Variants in RTL4 observed in about 807,000 individuals in gnomAD.
The protein encoded by RTL4 is retrotransposon Gag like 4, also known as retrotransposon Gag-like protein 4.
RTL4 carries 4 observed loss-of-function variants against 5.3 expected under a neutral mutation model. The observed-to-expected ratio is 0.75, with a 90% CI of 0.37 to 1.72. RTL4 has a LOEUF of 1.72. RTL4 is among the 40% of genes most tolerant of loss of function. The pLI is 0.04. For missense variants in RTL4, 260 were observed against 227.1 expected (o/e 1.14, Z -0.93); for synonymous variants, 98 against 87.3 (o/e 1.12, Z -0.68).
chrX:112,308,773 T>C, the RTL4 span, among the ~76,000 whole-genome samples: 2 of 111,593 alleles, frequency 1.8e-5, no homozygotes, highest in South Asian at 3.8e-4. Flanking sequence ...CAGCCTATCA[T>C]GTCCTTATCA....
chrX:112,419,473 C>A, the RTL4 span, among the ~76,000 whole-genome samples: 1 of 88,640 alleles, frequency 1.1e-5, no homozygotes, highest in Non-Finnish European at 2.2e-5. Flanking sequence ...GATTCTCCTG[C>A]CTCAGCCTCC....
chrX:112,125,995 G>A, the RTL4 span, among the ~76,000 whole-genome samples: 2 of 111,424 alleles, frequency 1.8e-5, no homozygotes, highest in Non-Finnish European at 3.8e-5. Context: ...AGGGCCGGCG[G>A]CCTAAGGTGG....
the RTL4 span, among the ~76,000 whole-genome samples, chrX:112,247,176 C>T: frequency 8.9e-6 from 1 of 111,792 alleles, no homozygotes; most frequent in African/African-American, 3.3e-5. Context: ...AAATGGCAGA[C>T]TTAAGCCTTA....
chrX:112,206,236 C>T, the RTL4 span, among the ~76,000 whole-genome samples: 1 of 111,435 alleles, frequency 9.0e-6, no homozygotes. Context: ...AATGCTTTCT[C>T]TTTACAACTT....
chrX:112,392,477 G>A, the RTL4 span, among the ~76,000 whole-genome samples: 1 of 111,759 alleles, frequency 8.9e-6, no homozygotes, highest in African/African-American at 3.3e-5. Flanking sequence ...AGGGAGGTAC[G>A]GACCTGTTGC....
the RTL4 span, among the ~76,000 whole-genome samples, chrX:112,327,873 T>G: frequency 9.0e-6 from 1 of 110,858 alleles, no homozygotes; most frequent in East Asian, 2.9e-4. Context: ...AAGAAAAGAA[T>G]TTTCAACCCA....
chrX:112,352,932 T>C, the RTL4 span, among the ~76,000 whole-genome samples: 1 of 111,578 alleles, frequency 9.0e-6, no homozygotes, highest in African/African-American at 3.3e-5. Context: ...AATCTACTTA[T>C]CTGCCAAAGG....
the RTL4 span, among the ~76,000 whole-genome samples, chrX:112,324,486 C>T: frequency 1.2e-4 from 13 of 111,124 alleles, no homozygotes; most frequent in East Asian, 5.7e-4. Context: ...TCTTATGTTT[C>T]GGTCTTTAAT....
chrX:112,330,444 T>A, the RTL4 span, among the ~76,000 whole-genome samples: 1 of 109,897 alleles, frequency 9.1e-6, no homozygotes, highest in Non-Finnish European at 1.9e-5. Context: ...GAATCCAATT[T>A]ACAAGGGATG....
chrX:112,309,525 G>T, the RTL4 span, among the ~76,000 whole-genome samples: 1 of 109,355 alleles, frequency 9.1e-6, no homozygotes, highest in Non-Finnish European at 1.9e-5. Context: ...ATCTCACTTC[G>T]TTTACCAGGC....
the RTL4 span, among the ~76,000 whole-genome samples, chrX:112,371,206 A>T: frequency 9.0e-6 from 1 of 111,154 alleles, no homozygotes; most frequent in Non-Finnish European, 1.9e-5. Context: ...CCAGATTCTT[A>T]ATTTTCATTA....
At chrX:112,315,548 C>T in the RTL4 span, among the ~76,000 whole-genome samples, 2,695 of 111,752 alleles carry the variant, frequency 0.024, 40 homozygotes, top group Non-Finnish European at 0.034. Flanking sequence ...TTTTATTCTC[C>T]TTTAGCCTCC....
the RTL4 span, among the ~76,000 whole-genome samples, chrX:112,186,332 C>A: frequency 8.9e-6 from 1 of 112,195 alleles, no homozygotes; most frequent in Admixed American, 9.5e-5. Context: ...CACACAGTGC[C>A]TAGCATACTA....
chrX:112,142,506 A>T, the RTL4 span, among the ~76,000 whole-genome samples: 1 of 111,698 alleles, frequency 9.0e-6, no homozygotes, highest in African/African-American at 3.3e-5. Flanking sequence ...TTCCCCAATA[A>T]TTTTTTTTCC....
the RTL4 span, among the ~76,000 whole-genome samples, chrX:112,130,755 G>A: frequency 3.8e-5 from 4 of 106,593 alleles, no homozygotes; most frequent in East Asian, 8.7e-4. Context: ...GAAAGGAACT[G>A]AAACTAGATA....
chrX:112,294,500 G>A, the RTL4 span, among the ~76,000 whole-genome samples: 1 of 111,180 alleles, frequency 9.0e-6, no homozygotes, highest in Non-Finnish European at 1.9e-5. Context: ...TCAGGAGGTT[G>A]ACGCAGGAGA....
chrX:112,429,969 A>G, the RTL4 span, among the ~76,000 whole-genome samples: 1 of 110,692 alleles, frequency 9.0e-6, no homozygotes, highest in African/African-American at 3.3e-5. Context: ...TTCTTTGAGG[A>G]TATTTATTTA....
the RTL4 span, among the ~76,000 whole-genome samples, chrX:112,412,285 C>T: frequency 9.2e-5 from 10 of 108,630 alleles, no homozygotes; most frequent in Admixed American, 9.9e-4. Context: ...ATACCCAAAA[C>T]AATCTACAAG....
the RTL4 span, among the ~76,000 whole-genome samples, chrX:112,109,629 G>T: frequency 9.0e-6 from 1 of 111,613 alleles, no homozygotes; most frequent in African/African-American, 3.3e-5. Context: ...CAGAGGGCTG[G>T]TTGGTGCATT....
Sources: allele counts gnomAD v4.1 joint callset (sites outside exome capture counted in the v4.1 genomes callset), GRCh38; gene constraint gnomAD v4.1.1; transcripts MANE v1.5; gene names NCBI Gene and HGNC (gene_info 2026-07-23, HGNC 2026-07-21).